The following VNN1 variants were observed in gnomAD, a reference collection of about 807,000 sequenced individuals.
The protein encoded by VNN1 is pantetheinase.
A neutral mutation model predicts 41.9 loss-of-function variants in VNN1; 29 were observed. That is an observed-to-expected ratio of 0.69 (90% CI 0.52 to 0.94). The LOEUF is 0.94. VNN1 is among the 40% of genes least tolerant of loss of function. VNN1 has a pLI of 0.00. For missense variants in VNN1, 637 were observed against 621.1 expected (o/e 1.03, Z -0.27); for synonymous variants, 233 against 224.4 (o/e 1.04, Z -0.34).
In VNN1 at chr6:132,692,209, C is replaced by T. The variant is rs774566373; in HGVS notation, c.1188+14G>A. On this transcript the variant is annotated intron_variant, in intron 5 of 6. Transcript: ENST00000367928. ...TTATTTTATCCAGTAACTCTTCTGA[C>T]ATCAAAATATTACCTGTAGATAATA... 12 of 1,530,796 alleles carry T rather than the reference C, an allele frequency of 7.8e-6. No individual in the cohort carries two copies. In the Admixed American group the frequency reaches 1.8e-4, roughly 23 times the overall value. 94.8% of individuals were successfully genotyped at this position (1,530,796 alleles called of 1,614,324 possible).
chr6:132,706,164 C>G (rs1778515200), intron 2 of VNN1, among the ~76,000 whole-genome samples: 2 of 152,016 alleles, frequency 1.3e-5, no homozygotes, highest in South Asian at 4.1e-4. Context: ...AAAAAAAATT[C>G]TGAAATTTAC....
chr6:132,681,860 A>G lies in VNN1; in HGVS notation c.*1280T>C, dbSNP rs867820186. 1 of 152,658 alleles carries G rather than the reference A, an allele frequency of 6.6e-6. No homozygotes were observed. The highest frequency in any genetic ancestry group is 2.4e-5 in the African/African-American group (1 of 41,460). 9.5% of individuals were successfully genotyped at this position (152,658 alleles called of 1,614,324 possible). A position where few individuals can be genotyped will look rare whatever the true frequency, so the allele number is the denominator to read the frequency against. ...CTGCCACAAAAATGTTTGTCTCAAA[A>G]TGATGTTTTGCTGGCATAGATCACT... On this transcript the variant is annotated 3_prime_UTR_variant, in exon 7 of 7. Coordinates refer to ENST00000367928, the MANE Select transcript of VNN1 (RefSeq NM_004666.3).
At position 132,681,513 on chromosome 6, in the gene VNN1, G is replaced by C. The variant is rs1384311290; in HGVS notation, c.*1627C>G. 6.6e-6 allele frequency: 1 copy of C among 152,284 alleles called. No homozygotes were observed. Among genetic ancestry groups the C allele is most frequent in the East Asian group, 1.9e-4 (1 of 5,192 alleles). The allele number at this position is 152,284 out of a possible 1,614,324, so 9.4% of individuals were successfully genotyped here. On this transcript the variant is annotated 3_prime_UTR_variant, in exon 7 of 7. Transcript: ENST00000367928. Reference sequence around the variant, plus strand: ...AAATGTTTGTTGTTTTAAGATAATAGTTTGGGGGCAATTCATTACACCACA... The same window carrying C: ...AAATGTTTGTTGTTTTAAGATAATACTTTGGGGGCAATTCATTACACCACA...
In VNN1 at chr6:132,692,258, C is replaced by T. The variant is rs755344903; in HGVS notation, c.1153G>A (p.Gly385Arg). The T allele has an allele frequency of 1.3e-5, 21 of 1,607,274 alleles. No individual in the cohort carries two copies. The highest frequency in any genetic ancestry group is 2.7e-5 in the African/African-American group (2 of 74,634). Reference sequence around the variant, plus strand: ...TAGCGCCCTTCCACAGTGTGCAGTCCGTCAAATGCCCCTAGAGCGTACACT... The same window carrying T: ...TAGCGCCCTTCCACAGTGTGCAGTCTGTCAAATGCCCCTAGAGCGTACACT... ...NEVYALGAFD[G>R]LHTVEGRYYL... The change falls in exon 5 of 7, where the codon GGA (glycine) becomes AGA (arginine). Residue 385 changes from glycine to arginine, a missense_variant. Coordinates refer to ENST00000367928, the MANE Select transcript of VNN1 (RefSeq NM_004666.3).
intron 1 of VNN1, among the ~76,000 whole-genome samples, chr6:132,713,395 T>A (rs1778630996): frequency 6.6e-6 from 1 of 152,222 alleles, no homozygotes; most frequent in Non-Finnish European, 1.5e-5. Flanking sequence ...TGGCAAGGAA[T>A]TGAAAACTTA....
At chr6:132,697,322 A>G (rs1288454763) in intron 2 of VNN1, among the ~76,000 whole-genome samples, 5 of 152,138 alleles carry the variant, frequency 3.3e-5, no homozygotes, top group African/African-American at 9.7e-5. Context: ...TGTAGAATGT[A>G]CTGGAACAGT....
At chr6:132,704,037 C>G (rs114007211) in intron 2 of VNN1, among the ~76,000 whole-genome samples, 3 of 151,996 alleles carry the variant, frequency 2.0e-5, no homozygotes, top group Non-Finnish European at 2.9e-5. Context: ...TGTGCTAACA[C>G]TTGAGCACAC....
chr6:132,688,225 T>C (rs1778233176), intron 5 of VNN1, among the ~76,000 whole-genome samples: 1 of 152,168 alleles, frequency 6.6e-6, no homozygotes, highest in Non-Finnish European at 1.5e-5. Context: ...TGAATTAACA[T>C]AAGGCTATAA....
At chr6:132,689,209 C>T (rs1778247546) in intron 5 of VNN1, among the ~76,000 whole-genome samples, 1 of 151,990 alleles carries the variant, frequency 6.6e-6, no homozygotes, top group Admixed American at 6.6e-5. Flanking sequence ...TGTATTTTTT[C>T]CTTTTGTAGC....
chr6:132,683,034 A>T lies in VNN1; in HGVS notation c.*106T>A. On this transcript the variant is annotated 3_prime_UTR_variant, in exon 7 of 7. Transcript: ENST00000367928. ...GTGTTTGTCTAAATAAAGAGAAACTAGTAATTCACTTATACTAGAGGATAA... is the reference window on the plus strand; with the variant it reads ...GTGTTTGTCTAAATAAAGAGAAACTTGTAATTCACTTATACTAGAGGATAA... 2 of 904,132 alleles carry T rather than the reference A, an allele frequency of 2.2e-6. No individual in the cohort carries two copies. The highest frequency in any genetic ancestry group is 1.6e-6 in the Non-Finnish European group (1 of 626,858). The allele number at this position is 904,132 out of a possible 1,614,324, so 56.0% of individuals were successfully genotyped here.
At chr6:132,693,452 G>T (rs1012199940) in intron 3 of VNN1, 137 bp from the exon 4 acceptor site, 3 of 991,296 alleles carry the variant, frequency 3.0e-6, no homozygotes, top group Non-Finnish European at 4.3e-6. Context: ...AAATGAGTTT[G>T]CTTTAGAGAA....
At chr6:132,687,330 G>A (rs928788310) in intron 5 of VNN1, among the ~76,000 whole-genome samples, 18 of 152,190 alleles carry the variant, frequency 1.2e-4, no homozygotes, top group African/African-American at 4.1e-4. Context: ...AGACCAGTGA[G>A]TCTCAAAAAT....
intron 2 of VNN1, among the ~76,000 whole-genome samples, chr6:132,705,327 A>T (rs574922868): frequency 6.6e-6 from 1 of 152,314 alleles, no homozygotes; most frequent in African/African-American, 2.4e-5. Flanking sequence ...ATTCATCATG[A>T]CCAAGTCGGA....
chr6:132,700,620 C>A (rs1258665056), intron 2 of VNN1, among the ~76,000 whole-genome samples: 1 of 152,062 alleles, frequency 6.6e-6, no homozygotes, highest in East Asian at 1.9e-4. Context: ...AAGAAGGGCA[C>A]CCTGGGGATG....
chr6:132,706,330 A>G (rs1778517076), intron 2 of VNN1, among the ~76,000 whole-genome samples: 1 of 152,164 alleles, frequency 6.6e-6, no homozygotes, highest in Non-Finnish European at 1.5e-5. Flanking sequence ...GAAACAGAAG[A>G]GAGAACCCAG....
Position 132,682,842 on chromosome 6 carries a change from T to C in VNN1, c.*298A>G. On this transcript the variant is annotated 3_prime_UTR_variant, in exon 7 of 7. Coordinates refer to ENST00000367928, the MANE Select transcript of VNN1 (RefSeq NM_004666.3). ...CCTTGTAAGTAAATTTTATGATAGT[T>C]CTTATGTTTTCTACCCGTAGTTTTT... is the stretch of plus-strand genomic sequence containing the variant. 1 of 184,874 alleles carries C rather than the reference T, an allele frequency of 5.4e-6. No individual in the cohort carries two copies. The highest frequency in any genetic ancestry group is 2.4e-5 in the African/African-American group (1 of 42,300). The allele number at this position is 184,874 out of a possible 1,614,324, so 11.5% of individuals were successfully genotyped here.
intron 5 of VNN1, among the ~76,000 whole-genome samples, chr6:132,685,812 C>T (rs901329868): frequency 4.6e-5 from 7 of 152,210 alleles, no homozygotes; most frequent in African/African-American, 1.7e-4. Context: ...AACTGATCCT[C>T]CCCTACTCCA....
In VNN1 at chr6:132,692,200, C is replaced by T. The variant is rs777866554; in HGVS notation, c.1188+23G>A. On this transcript the variant is annotated intron_variant, in intron 5 of 6. Transcript: ENST00000367928. ...TGAGTGTCTTTATTTTATCCAGTAA[C>T]TCTTCTGACATCAAAATATTACCTG... 5.3e-6 allele frequency: 8 copies of T among 1,518,692 alleles called. No individual in the cohort carries two copies. The South Asian group carries it at 1.1e-4, about 20-fold the overall frequency. The allele number at this position is 1,518,692 out of a possible 1,614,324, so 94.1% of individuals were successfully genotyped here.
chr6:132,708,806 C>T (rs185857968), intron 2 of VNN1, among the ~76,000 whole-genome samples: 1 of 152,252 alleles, frequency 6.6e-6, no homozygotes, highest in Admixed American at 6.5e-5. Flanking sequence ...GACCTATACC[C>T]TGGAGTCTAT....
Sources: allele counts gnomAD v4.1 joint callset (sites outside exome capture counted in the v4.1 genomes callset), GRCh38; gene constraint gnomAD v4.1.1; transcripts MANE v1.5; gene names NCBI Gene and HGNC (gene_info 2026-07-23, HGNC 2026-07-21).